The following MED21 variants were observed in gnomAD, a reference collection of about 807,000 sequenced individuals.
MED21 encodes the protein mediator of RNA polymerase II transcription subunit 21.
A neutral mutation model predicts 18.2 loss-of-function variants in MED21; 9 were observed. The observed-to-expected ratio is 0.49, with a 90% CI of 0.30 to 0.86. The LOEUF (loss-of-function observed/expected upper bound fraction) is 0.86, where lower values mean the gene tolerates loss of function less well. MED21 is among the 40% of genes least tolerant of loss of function. The probability of loss-of-function intolerance (pLI) is 0.07; values close to 1 mark genes in which losing one functional copy is unlikely to be tolerated. For synonymous variants in MED21, 73 were observed against 60.5 expected, an observed-to-expected ratio of 1.21 and a Z score of -0.96; for missense variants, 150 against 170.9, an observed-to-expected ratio of 0.88 and a Z score of 0.68.
In MED21 at chr12:27,029,593, A is replaced by C. The variant is rs1157695513; in HGVS notation, c.*1132A>C. On this transcript the variant is annotated 3_prime_UTR_variant, in exon 4 of 4. Coordinates refer to ENST00000282892, the MANE Select transcript of MED21 (RefSeq NM_004264.5). ...TCTGCCTGTTATTTTTGTTGTAATC[A>C]AGCTTTTCCACAGTTCTTGAAAAGT... 3 of 985,440 alleles carry C rather than the reference A, an allele frequency of 3.0e-6. No homozygotes were observed. The East Asian group carries it at 3.4e-4, about 112-fold the overall frequency. 61.0% of individuals were successfully genotyped at this position (985,440 alleles called of 1,614,324 possible).
rs979969065 is a variant in MED21 at position 27,028,790 on chromosome 12, G to C, written c.*329G>C. On this transcript the variant is annotated 3_prime_UTR_variant, in exon 4 of 4. Transcript: ENST00000282892. ...TGTCTCCATTTTGTTGTATTGGCCAGTACTTTTACAAATCAAAACATCTCT... is the reference window on the plus strand; with the variant it reads ...TGTCTCCATTTTGTTGTATTGGCCACTACTTTTACAAATCAAAACATCTCT... 2 of 1,005,236 alleles carry C rather than the reference G, an allele frequency of 2.0e-6. No individual in the cohort carries two copies. The highest frequency in any genetic ancestry group is 3.5e-5 in the African/African-American group (2 of 57,960). The allele number at this position is 1,005,236 out of a possible 1,614,324, so 62.3% of individuals were successfully genotyped here. A position where few individuals can be genotyped will look rare whatever the true frequency, so the allele number is the denominator to read the frequency against.
chr12:27,022,931 A>T (rs951028763), intron 1 of MED21: 2 of 1,232,330 alleles, frequency 1.6e-6, no homozygotes, highest in African/African-American at 3.1e-5. Context: ...GGACAGTTTT[A>T]TTTTCTTGTC....
intron 1 of MED21, chr12:27,022,911 T>C: frequency 2.3e-6 from 3 of 1,322,872 alleles, no homozygotes; most frequent in Non-Finnish European, 2.9e-6. Flanking sequence ...GGTCCTGTCG[T>C]GTTCCCTGAG....
chr12:27,024,237 G>A (rs1401189331), intron 1 of MED21, among the ~76,000 whole-genome samples: 1 of 152,086 alleles, frequency 6.6e-6, no homozygotes, highest in East Asian at 1.9e-4. Context: ...TCCTAGATAA[G>A]GGGCTAGAGA....
chr12:27,031,821 A>G (rs774011336), downstream of MED21, among the ~76,000 whole-genome samples: 4 of 152,196 alleles, frequency 2.6e-5, no homozygotes, highest in Non-Finnish European at 5.9e-5. Context: ...GAGGATAAAG[A>G]AAACACTAAC....
At chr12:27,034,260 A>G (rs943672291), downstream of MED21, among the ~76,000 whole-genome samples, 2 of 152,046 alleles carry the variant, frequency 1.3e-5, no homozygotes, top group African/African-American at 4.8e-5. Context: ...TACTAAAAAT[A>G]CAAAAAATTA....
At chr12:27,033,379 A>G (rs920933773), downstream of MED21, among the ~76,000 whole-genome samples, 4 of 152,118 alleles carry the variant, frequency 2.6e-5, no homozygotes, top group Non-Finnish European at 4.4e-5. Context: ...TGAGGCCTTT[A>G]CCTTCTTGAC....
chr12:27,027,353 C>T lies in MED21; in HGVS notation c.164C>T (p.Ala55Val). Residue 55 changes from alanine (A) to valine (V), a missense_variant, in exon 3 of 4, where the codon GCC becomes GTC. Physicochemically the swap from Ala to Val is moderately conservative, Grantham distance 64 (BLOSUM62 0). Transcript: ENST00000282892. ...DQPANPTEEY[A>V]QLFAALIART... The stretch of plus-strand genomic sequence containing the variant: ...TAGCAGTATCTTTCTCTAGAGTATG[C>T]CCAGCTTTTTGCAGCACTGATTGCA... 2 of 1,611,602 alleles carry T rather than the reference C, an allele frequency of 1.2e-6. No homozygotes were observed. Among genetic ancestry groups the T allele is most frequent in the Non-Finnish European group, 1.7e-6 (2 of 1,178,498 alleles).
In MED21 at chr12:27,029,154, T is replaced by G; in HGVS notation, c.*693T>G. 5.1e-6 allele frequency: 5 copies of G among 985,368 alleles called. No homozygotes were observed. Among genetic ancestry groups the G allele is most frequent in the Non-Finnish European group, 6.0e-6 (5 of 829,836 alleles). The allele number at this position is 985,368 out of a possible 1,614,324, so 61.0% of individuals were successfully genotyped here. On this transcript the variant is annotated 3_prime_UTR_variant, in exon 4 of 4. Transcript: ENST00000282892. ...CTTTTCACCTTGCTTTTTTTCATCC[T>G]TAATTTGCTTGTCATCACAATGAAG...
intron 2 of MED21, among the ~76,000 whole-genome samples, chr12:27,026,951 C>T (rs773272623): frequency 5.3e-5 from 8 of 151,268 alleles, no homozygotes; most frequent in Middle Eastern, 3.4e-3. Context: ...TTTTTTGAGA[C>T]GGAGTCTCGC....
downstream of MED21, among the ~76,000 whole-genome samples, chr12:27,031,030 C>G (rs1592337557): frequency 6.6e-6 from 1 of 152,316 alleles, no homozygotes; most frequent in East Asian, 1.9e-4. Context: ...GCCTCAGCCT[C>G]CCGAATAGCT....
In MED21 at chr12:27,028,958, G is replaced by A; in HGVS notation, c.*497G>A. ...AATTGTGTTGCTTTTAAGAAATAGA[G>A]TTAGTGTGGCTGGATAAGAAAGTCA... is the stretch of plus-strand genomic sequence containing the variant. On this transcript the variant is annotated 3_prime_UTR_variant, in exon 4 of 4. Transcript: ENST00000282892. 2.0e-6 allele frequency: 2 copies of A among 985,510 alleles called. No individual in the cohort carries two copies. The highest frequency in any genetic ancestry group is 2.4e-6 in the Non-Finnish European group (2 of 830,022). The allele number at this position is 985,510 out of a possible 1,614,324, so 61.0% of individuals were successfully genotyped here. A position where few individuals can be genotyped will look rare whatever the true frequency, so the allele number is the denominator to read the frequency against.
downstream of MED21, among the ~76,000 whole-genome samples, chr12:27,032,430 T>C (rs1407296062): frequency 6.6e-6 from 1 of 152,216 alleles, no homozygotes; most frequent in African/African-American, 2.4e-5. Context: ...CTTATACTTG[T>C]AATTCCCCTA....
At chr12:27,035,682 T>C (rs1941645685), downstream of MED21, among the ~76,000 whole-genome samples, 1 of 148,414 alleles carries the variant, frequency 6.7e-6, no homozygotes, top group Non-Finnish European at 1.5e-5. Flanking sequence ...AGTGAGAACA[T>C]GCGGTGTTTG....
rs1555110760 is a variant in MED21, at chr12:27,023,302, T to TTTTTC, written c.42+685_42+686insCTTTT. 3.6e-5 allele frequency among the ~76,000 whole-genome samples: 5 copies of TTTTTC among 139,960 alleles called. No individual in the cohort carries two copies. The East Asian group carries it at 6.1e-4, about 17-fold the overall frequency. The allele number at this position is 139,960 out of a possible 152,430, so 91.8% of individuals were successfully genotyped here. ...CTTATTTGAGTCTTTTTTCTTTTCTTTTTTTTTTTTTTTTTACTTTGGAGA... is the reference window on the plus strand; with the variant it reads ...CTTATTTGAGTCTTTTTTCTTTTCTTTTTTCTTTTTTTTTTTTTTTACTTTGGAGA... On this transcript the variant is annotated intron_variant, in intron 1 of 3. Coordinates refer to ENST00000282892, the MANE Select transcript of MED21 (RefSeq NM_004264.5).
chr12:27,028,769 T>C lies in MED21; in HGVS notation c.*308T>C. 1.8e-5 allele frequency: 18 copies of C among 1,026,468 alleles called. No homozygotes were observed. The highest frequency in any genetic ancestry group is 2.1e-5 in the Non-Finnish European group (18 of 853,692). 63.6% of individuals were successfully genotyped at this position (1,026,468 alleles called of 1,614,324 possible). A position where few individuals can be genotyped will look rare whatever the true frequency, so the allele number is the denominator to read the frequency against. Reference sequence around the variant, plus strand: ...ATTCTGTTATGACATAATTTATGTCTCCATTTTGTTGTATTGGCCAGTACT... The same window carrying C: ...ATTCTGTTATGACATAATTTATGTCCCCATTTTGTTGTATTGGCCAGTACT... On this transcript the variant is annotated 3_prime_UTR_variant, in exon 4 of 4. Transcript: ENST00000282892.
In MED21 at chr12:27,029,511, G is replaced by A. The variant is rs1318744971; in HGVS notation, c.*1050G>A. 1.2e-5 allele frequency: 12 copies of A among 985,254 alleles called. No individual in the cohort carries two copies. Among genetic ancestry groups the A allele is most frequent in the Non-Finnish European group, 1.4e-5 (12 of 829,900 alleles). The allele number at this position is 985,254 out of a possible 1,614,324, so 61.0% of individuals were successfully genotyped here. ...CAGAATATGCTGAGCTACATTTGCT[G>A]CAATCTGTTGCTATTCAGAGTTTAA... On this transcript the variant is annotated 3_prime_UTR_variant, in exon 4 of 4. Transcript: ENST00000282892.
At chr12:27,033,748 A>G (rs1941633334), downstream of MED21, among the ~76,000 whole-genome samples, 1 of 152,210 alleles carries the variant, frequency 6.6e-6, no homozygotes, top group South Asian at 2.1e-4. Flanking sequence ...AAGAGATAAA[A>G]CTCAGGAGTC....
chr12:27,026,679 A>C, intron 2 of MED21, 145 bp downstream of exon 2: 2 of 688,364 alleles, frequency 2.9e-6, no homozygotes, highest in South Asian at 1.7e-5. Context: ...TGTTGTAAAA[A>C]ATTTACAGTC....
Sources: gnomAD v4.1 joint callset for allele counts (sites outside exome capture counted in the v4.1 genomes callset) on GRCh38, gnomAD v4.1.1 for gene constraint, MANE v1.5 for transcripts, NCBI Gene and HGNC (gene_info 2026-07-23, HGNC 2026-07-21) for gene names.